The following CDK4 variants were observed in gnomAD, a reference collection of about 807,000 sequenced individuals.
CDK4 encodes the protein cyclin-dependent kinase 4.
A neutral mutation model predicts 36.7 loss-of-function variants in CDK4; 13 were observed. The ratio of observed to expected loss-of-function variants is 0.35; its 90% CI spans 0.23 to 0.56. CDK4 has a LOEUF of 0.56. Ranked by LOEUF, CDK4 falls within the 20% of genes least tolerant of loss-of-function variation. CDK4 has a pLI of 0.85. For missense variants in CDK4, 285 were observed against 387.3 expected, an observed-to-expected ratio of 0.74 and a Z score of 2.22; for synonymous variants, 158 against 146.4, an observed-to-expected ratio of 1.08 and a Z score of -0.57.
rs758294834 is a variant in CDK4, at chr12:57,750,915, C to T, written c.522+8G>A. 147 of 1,614,114 alleles carry T rather than the reference C, an allele frequency of 9.1e-5. 1 individual carries two copies. The Admixed American group carries it at 2.4e-3, about 26-fold the overall frequency. On this transcript the variant is annotated splice_region_variant and intron_variant, in intron 4 of 7. Transcript: ENST00000257904. ...CAGAACCCATTTTGGTACCATCTTT[C>T]TACTGACCACGGGTGTAAGTGCCAT...
intron 5 of CDK4, 73 bp from the exon 6 acceptor site, chr12:57,749,577 C>T (rs1955207785): frequency 7.0e-7 from 1 of 1,424,266 alleles, no homozygotes; most frequent in Non-Finnish European, 9.9e-7. Flanking sequence ...TGCTTAGTGG[C>T]TCAAAATAGG....
At position 57,751,004 on chromosome 12, in the gene CDK4, C is replaced by T. The variant is rs1344638091; in HGVS notation, c.441G>A (p.Leu147=). 2 of 1,614,014 alleles carry T rather than the reference C, an allele frequency of 1.2e-6. No individual in the cohort carries two copies. Among genetic ancestry groups the T allele is most frequent in the African/African-American group, 2.7e-5 (2 of 74,902 alleles). The change falls in exon 4 of 8, where the codon CTG becomes CTA. Residue 147 remains leucine (L), a synonymous_variant. Coordinates refer to ENST00000257904, the MANE Select transcript of CDK4 (RefSeq NM_000075.4). This position sits in a 1 kb window ranked among gnomAD's most constrained non-coding sequence, Gnocchi z 4.5. ...GCTTGACTGTTCCACCACTTGTCAC[C>T]AGAATGTTCTCTGGCTTCAGATCTC... is the stretch of plus-strand genomic sequence containing the variant. ...VHRDLKPENI[L]VTSGGTVKLA...
intron 7 of CDK4, 152 bp downstream of exon 7, chr12:57,749,030 T>C: frequency 1.0e-6 from 1 of 998,630 alleles, no homozygotes; most frequent in African/African-American, 1.6e-5. Flanking sequence ...TCTATATCCT[T>C]CTCTGTGGGT....
chr12:57,749,200 C>T lies in CDK4; in HGVS notation c.801G>A (p.Ser267=), dbSNP rs201744062. 1.9e-5 allele frequency: 30 copies of T among 1,614,052 alleles called. No individual in the cohort carries two copies. The highest frequency in any genetic ancestry group is 3.3e-5 in the South Asian group (3 of 91,084). Residue 267 remains serine, a synonymous_variant, in exon 7 of 8, where the codon TCG becomes TCA. Coordinates refer to ENST00000257904, the MANE Select transcript of CDK4 (RefSeq NM_000075.4). ...CCAGTACCAGCAGCAGCTGTGCTCC[C>T]GACTCCTCCATCTCAGGTACCACCG... ...VQSVVPEMEE[S]GAQLLLEMLT...
rs1371795570 is a variant in CDK4, at chr12:57,752,187, C to A, written c.-32G>T. 2 of 254,278 alleles carry A rather than the reference C, an allele frequency of 7.9e-6. No individual in the cohort carries two copies. Among genetic ancestry groups the A allele is most frequent in the African/African-American group, 4.5e-5 (2 of 44,098 alleles). The allele number at this position is 254,278 out of a possible 1,614,324, so 15.8% of individuals were successfully genotyped here. A position where few individuals can be genotyped will look rare whatever the true frequency, so the allele number is the denominator to read the frequency against. On this transcript the variant is annotated 5_prime_UTR_variant, in exon 1 of 8. Coordinates refer to ENST00000257904, the MANE Select transcript of CDK4 (RefSeq NM_000075.4). ...GGACTGCACTTACCTCACGCCAGCC[C>A]GGGGTGCTGTGGGGGCGGCCCGTTA...
intron 5 of CDK4, chr12:57,750,295 G>A (rs572034052): frequency 3.2e-6 from 1 of 309,188 alleles, no homozygotes; most frequent in Non-Finnish European, 6.4e-6. Context: ...TAAAAGAATG[G>A]GGCCAGATGC....
rs3211617 is a variant in CDK4 at position 57,750,622 on chromosome 12, A to G, written c.632+34T>C. The G allele has an allele frequency of 5.6e-6, 8 of 1,425,604 alleles. No individual in the cohort carries two copies. The African/African-American group carries it at 9.8e-5, about 18-fold the overall frequency. 88.3% of individuals were successfully genotyped at this position (1,425,604 alleles called of 1,614,324 possible). ...GGTTTATGAACAAGCGATTTGGGGA[A>G]TTCAAGGTAGTCCAGGGTATGTGGG... On this transcript the variant is annotated intron_variant, in intron 5 of 7. Coordinates refer to ENST00000257904, the MANE Select transcript of CDK4 (RefSeq NM_000075.4).
At chr12:57,750,377 G>A in intron 5 of CDK4, 1 of 401,612 alleles carries the variant, frequency 2.5e-6, no homozygotes, top group Non-Finnish European at 4.8e-6. Context: ...ACCAGCCTGG[G>A]CAATATACTG....
At position 57,751,157 on chromosome 12, in the gene CDK4, C is replaced by T. The variant is rs781308077; in HGVS notation, c.354+50G>A. 1.2e-6 allele frequency: 2 copies of T among 1,614,190 alleles called. No individual in the cohort carries two copies. The highest frequency in any genetic ancestry group is 1.7e-6 in the Non-Finnish European group (2 of 1,180,024). Reference sequence around the variant, plus strand: ...ACCATACCTGAAATCCCAGAAGGTTCTACTACAAAGGTCCCAATCCACCTC... The same window carrying T: ...ACCATACCTGAAATCCCAGAAGGTTTTACTACAAAGGTCCCAATCCACCTC... On this transcript the variant is annotated intron_variant, in intron 3 of 7. Transcript: ENST00000257904. The surrounding 1 kb of genome is among the most constrained non-coding windows in gnomAD (Gnocchi z 4.5).
Position 57,751,801 on chromosome 12 carries a change from AAC to A in CDK4, c.-19-67_-19-66del. The A allele has an allele frequency of 8.4e-7, 1 of 1,193,550 alleles. No homozygotes were observed. The highest frequency in any genetic ancestry group is 1.2e-6 in the Non-Finnish European group (1 of 820,072). 73.9% of individuals were successfully genotyped at this position (1,193,550 alleles called of 1,614,324 possible). A position where few individuals can be genotyped will look rare whatever the true frequency, so the allele number is the denominator to read the frequency against. On this transcript the variant is annotated intron_variant, in intron 1 of 7. Transcript: ENST00000257904. The surrounding 1 kb of genome is among the most constrained non-coding windows in gnomAD (Gnocchi z 4.5). ...AGTTAGGATGGTATGAGCCTGCAGCAACAAAGGGACTCCCAAAAAAAAAGCGC... is the reference window on the plus strand; with the variant it reads ...AGTTAGGATGGTATGAGCCTGCAGCAAAAGGGACTCCCAAAAAAAAAGCGC...
In CDK4 at chr12:57,751,586, T is replaced by G. The variant is rs878853621; in HGVS notation, c.132A>C (p.Gly44=). ...LKSVRVPNGG[G]GGGGLPISTV... Reference sequence around the variant, plus strand: ...TGCTGATGGGAAGGCCTCCTCCACCTCCTCCTCCATTGGGGACTCTCACAC... The same window carrying G: ...TGCTGATGGGAAGGCCTCCTCCACCGCCTCCTCCATTGGGGACTCTCACAC... The change falls in exon 2 of 8, where the codon GGA becomes GGC. Residue 44 remains glycine, a synonymous_variant. Transcript: ENST00000257904. This position sits in a 1 kb window ranked among gnomAD's most constrained non-coding sequence, Gnocchi z 4.5. The G allele has an allele frequency of 6.2e-7, 1 of 1,613,808 alleles. No homozygotes were observed. Among genetic ancestry groups the G allele is most frequent in the South Asian group, 1.1e-5 (1 of 91,040 alleles).
Position 57,751,787 on chromosome 12 carries a change from T to C in CDK4, c.-19-51A>G. On this transcript the variant is annotated intron_variant, in intron 1 of 7. Coordinates refer to ENST00000257904, the MANE Select transcript of CDK4 (RefSeq NM_000075.4). The surrounding 1 kb of genome is among the most constrained non-coding windows in gnomAD (Gnocchi z 4.5). Reference sequence around the variant, plus strand: ...AAAGTCGCTTACAGAGTTAGGATGGTATGAGCCTGCAGCAACAAAGGGACT... The same window carrying C: ...AAAGTCGCTTACAGAGTTAGGATGGCATGAGCCTGCAGCAACAAAGGGACT... The C allele has an allele frequency of 7.3e-7, 1 of 1,378,612 alleles. No individual in the cohort carries two copies. Among genetic ancestry groups the C allele is most frequent in the Non-Finnish European group, 1.0e-6 (1 of 976,160 alleles). The allele number at this position is 1,378,612 out of a possible 1,614,324, so 85.4% of individuals were successfully genotyped here.
chr12:57,750,516 G>A (rs1239530953), intron 5 of CDK4, 140 bp downstream of exon 5: 1 of 734,904 alleles, frequency 1.4e-6, no homozygotes, highest in Non-Finnish European at 2.5e-6. Flanking sequence ...GCAGTGAGCT[G>A]TGATCATGCC....
chr12:57,750,885 C>T (rs2140386182), intron 4 of CDK4, 38 bp downstream of exon 4: 1 of 1,613,232 alleles, frequency 6.2e-7, no homozygotes, highest in East Asian at 2.2e-5. Context: ...TCTCCTACTC[C>T]CAACCAGAAC....
chr12:57,751,052 A>T lies in CDK4; in HGVS notation c.393T>A (p.Leu131=). The T allele has an allele frequency of 6.2e-7, 1 of 1,614,184 alleles. No homozygotes were observed. Among genetic ancestry groups the T allele is most frequent in the Non-Finnish European group, 8.5e-7 (1 of 1,180,030 alleles). ...CTCGGTGAACGATGCAATTGGCATG[A>T]AGGAAATCTAGGCCTCTTAGAAACT... is the stretch of plus-strand genomic sequence containing the variant. ...MRQFLRGLDF[L]HANCIVHRDL... The change falls in exon 4 of 8, where the codon CTT becomes CTA. Residue 131 remains leucine (L), a synonymous_variant. Transcript: ENST00000257904. The surrounding 1 kb of genome is among the most constrained non-coding windows in gnomAD (Gnocchi z 4.5).
chr12:57,749,638 G>A, intron 5 of CDK4, 134 bp from the exon 6 acceptor site: 1 of 835,414 alleles, frequency 1.2e-6, no homozygotes, highest in East Asian at 2.6e-5. Flanking sequence ...ATGCTGAGGT[G>A]AGAGGACTGC....
Position 57,748,524 on chromosome 12 carries a change from C to T in CDK4, c.*1G>A, listed in dbSNP as rs2140380929. ...TCCTTCCATGGCAGCCACTCCATTG[C>T]TCACTCCGGATTACCTTCATCCTTA... is the stretch of plus-strand genomic sequence containing the variant. On this transcript the variant is annotated 3_prime_UTR_variant, in exon 8 of 8. Transcript: ENST00000257904. The T allele has an allele frequency of 1.2e-6, 2 of 1,608,016 alleles. No individual in the cohort carries two copies. The highest frequency in any genetic ancestry group is 1.7e-6 in the Non-Finnish European group (2 of 1,174,556).
rs2140383924 is a variant in CDK4, at chr12:57,749,489, T to G, written c.648A>C (p.Gly216=). Residue 216 remains glycine, a synonymous_variant, in exon 6 of 8, where the codon GGA becomes GGC. Coordinates refer to ENST00000257904, the MANE Select transcript of CDK4 (RefSeq NM_000075.4). ...EMFRRKPLFC[G]NSEADQLGKI... ...TGCCCAACTGGTCGGCTTCAGAGTTTCCACAGAAGAGAGGCCTAAGGTGAG... is the reference window on the plus strand; with the variant it reads ...TGCCCAACTGGTCGGCTTCAGAGTTGCCACAGAAGAGAGGCCTAAGGTGAG... The G allele has an allele frequency of 1.2e-6, 2 of 1,614,224 alleles. No individual in the cohort carries two copies. The highest frequency in any genetic ancestry group is 1.7e-6 in the Non-Finnish European group (2 of 1,180,018).
intron 4 of CDK4, 28 bp downstream of exon 4, chr12:57,750,895 C>T (rs1369287516): frequency 1.2e-6 from 2 of 1,613,806 alleles, no homozygotes; most frequent in South Asian, 1.1e-5. Flanking sequence ...CCAACCAGAA[C>T]CCATTTTGGT....
Sources: allele counts gnomAD v4.1 joint callset, GRCh38; gene constraint gnomAD v4.1.1; non-coding constraint Gnocchi (gnomAD v3.1); transcripts MANE v1.5; gene names NCBI Gene and HGNC (gene_info 2026-07-23, HGNC 2026-07-21).